SHISAL2A: variants seen among roughly 807,000 people sequenced by gnomAD.
SHISAL2A encodes the protein protein shisa-like-2A.
Under a neutral mutation model 11.5 loss-of-function variants are expected in SHISAL2A, and 18 were observed. The ratio of observed to expected loss-of-function variants is 1.57; its 90% confidence interval spans 1.08 to 2.33. SHISAL2A has a LOEUF of 2.33. SHISAL2A is among the 30% of genes most tolerant of loss of function. The pLI is 0.00. For synonymous variants in SHISAL2A, 94 were observed against 99.6 expected (o/e 0.94, Z 0.34); for missense variants, 261 against 250.9 (o/e 1.04, Z -0.27).
intron 2 of SHISAL2A, among the ~76,000 whole-genome samples, chr1:52,654,273 A>T (rs1171083558): frequency 6.6e-6 from 1 of 152,076 alleles, no homozygotes; most frequent in Admixed American, 6.6e-5. Flanking sequence ...AGATAGATAG[A>T]TAGATAGATA....
At chr1:52,657,402 G>C (rs990003981), downstream of SHISAL2A, among the ~76,000 whole-genome samples, 1 of 152,136 alleles carries the variant, frequency 6.6e-6, no homozygotes, top group African/African-American at 2.4e-5. Flanking sequence ...CCTCAGAGGG[G>C]GATGATCTCT....
At chr1:52,669,348 C>T (rs949146564) in exon 6 of SHISAL2A, 2 of 151,776 alleles carry the variant, frequency 1.3e-5, no homozygotes, top group Admixed American at 6.6e-5. Flanking sequence ...AGCAGCCCAA[C>T]CCTGAGATAC....
At chr1:52,650,546 T>C (rs1386417804) in intron 2 of SHISAL2A, among the ~76,000 whole-genome samples, 1 of 152,190 alleles carries the variant, frequency 6.6e-6, no homozygotes, top group Non-Finnish European at 1.5e-5. Flanking sequence ...CATAGTAGGC[T>C]TTTAACAATT....
At chr1:52,663,366 C>T (rs922057426) in intron 4 of SHISAL2A, among the ~76,000 whole-genome samples, 2 of 152,228 alleles carry the variant, frequency 1.3e-5, no homozygotes, top group Non-Finnish European at 2.9e-5. Context: ...GCAACCACCC[C>T]TCTGTGTGGC....
chr1:52,666,518 C>T (rs970574739), intron 4 of SHISAL2A, among the ~76,000 whole-genome samples: 1 of 151,910 alleles, frequency 6.6e-6, no homozygotes, highest in Non-Finnish European at 1.5e-5. Flanking sequence ...CCCATAGCAC[C>T]ACCTGCTGTG....
intron 4 of SHISAL2A, among the ~76,000 whole-genome samples, chr1:52,663,157 T>A (rs1467383584): frequency 6.6e-6 from 1 of 151,970 alleles, no homozygotes; most frequent in Admixed American, 6.6e-5. Flanking sequence ...CTCTCTTAGC[T>A]CTTTGTCCTG....
chr1:52,666,313 G>T (rs796804940), intron 4 of SHISAL2A, among the ~76,000 whole-genome samples: 5 of 152,206 alleles, frequency 3.3e-5, no homozygotes, highest in African/African-American at 1.2e-4. Context: ...TTAGCTGGGC[G>T]TGGTGGCAGG....
chr1:52,646,892 C>T (rs534006257), intron 2 of SHISAL2A, among the ~76,000 whole-genome samples: 2 of 152,140 alleles, frequency 1.3e-5, no homozygotes, highest in South Asian at 2.1e-4. Context: ...TGCGGTGGTG[C>T]GATCTCAGCT....
At chr1:52,658,867 T>G (rs1450540672), downstream of SHISAL2A, among the ~76,000 whole-genome samples, 1 of 152,202 alleles carries the variant, frequency 6.6e-6, no homozygotes, top group Non-Finnish European at 1.5e-5. Context: ...GCTGCTGGAT[T>G]TGGCAACAGT....
chr1:52,665,705 A>C (rs269320), intron 4 of SHISAL2A, among the ~76,000 whole-genome samples: 1 of 150,132 alleles, frequency 6.7e-6, no homozygotes, highest in African/African-American at 2.4e-5. Context: ...ACCCATCCCC[A>C]CCTCCCTCCC....
Position 52,633,702 on chromosome 1 carries a change from T to C in SHISAL2A, c.182+27T>C. ...TACCGTCCCTGGCCCTCACCCTACCTTGAACCCCACTCCAGTCTCAGCGCC... is the reference window on the plus strand; with the variant it reads ...TACCGTCCCTGGCCCTCACCCTACCCTGAACCCCACTCCAGTCTCAGCGCC... On this transcript the variant is annotated intron_variant, in intron 1 of 2. Coordinates refer to ENST00000517870, the MANE Select transcript of SHISAL2A (RefSeq NM_001042693.3). This position sits in a 1 kb window ranked among gnomAD's most constrained non-coding sequence, Gnocchi z 6.4. 6.3e-7 allele frequency: 1 copy of C among 1,578,128 alleles called. No individual in the cohort carries two copies.
At chr1:52,653,314 A>AT (rs1691713726) in intron 2 of SHISAL2A, among the ~76,000 whole-genome samples, 1 of 135,386 alleles carries the variant, frequency 7.4e-6, no homozygotes, top group East Asian at 2.0e-4. Flanking sequence ...AAAAAAAAAA[A>AT]GCAGGGTATG....
In SHISAL2A at chr1:52,656,655, C is replaced by G; in HGVS notation, c.323-135C>G. On this transcript the variant is annotated intron_variant, in intron 2 of 2. Transcript: ENST00000517870. The stretch of plus-strand genomic sequence containing the variant: ...TAATGTGGTGTATTGTTAATAAATA[C>G]ATGTTAAACAAATGATGCTTCTAAG... 4 of 915,564 alleles carry G rather than the reference C, an allele frequency of 4.4e-6. No homozygotes were observed. The South Asian group carries it at 5.0e-5, about 11-fold the overall frequency. The allele number at this position is 915,564 out of a possible 1,614,324, so 56.7% of individuals were successfully genotyped here.
At chr1:52,649,568 C>T (rs1254670093) in intron 2 of SHISAL2A, among the ~76,000 whole-genome samples, 1 of 152,194 alleles carries the variant, frequency 6.6e-6, no homozygotes, top group Non-Finnish European at 1.5e-5. Flanking sequence ...CCATCCCATC[C>T]CCAAACTTGG....
At chr1:52,637,025 G>T (rs1167260103) in intron 1 of SHISAL2A, among the ~76,000 whole-genome samples, 1 of 152,140 alleles carries the variant, frequency 6.6e-6, no homozygotes, top group Non-Finnish European at 1.5e-5. Context: ...CACAGCTCTT[G>T]TGTCTTGTGG....
At chr1:52,642,728 A>G in intron 1 of SHISAL2A, 135 bp from the exon 2 acceptor site, 1 of 973,968 alleles carries the variant, frequency 1.0e-6, no homozygotes, top group Non-Finnish European at 1.5e-6. Flanking sequence ...CTGGCCTAAA[A>G]TTTTTTTTAA....
At chr1:52,651,495 C>T (rs745581503) in intron 2 of SHISAL2A, among the ~76,000 whole-genome samples, 33 of 152,180 alleles carry the variant, frequency 2.2e-4, no homozygotes, top group Non-Finnish European at 4.4e-4. Context: ...CCTCAGCCTC[C>T]CAAAGTGCTG....
intron 2 of SHISAL2A, among the ~76,000 whole-genome samples, chr1:52,650,780 G>A (rs1357799648): frequency 6.6e-6 from 1 of 150,506 alleles, no homozygotes; most frequent in Non-Finnish European, 1.5e-5. Flanking sequence ...ATGTAGCTGA[G>A]GCTACAGGCA....
chr1:52,657,070 C>T (rs772844031), downstream of SHISAL2A: 1 of 1,544,258 alleles, frequency 6.5e-7, no homozygotes, highest in East Asian at 2.3e-5. Context: ...ATACCATCCC[C>T]TTCTGGAGTC....
Sources: gnomAD v4.1 joint callset for allele counts (sites outside exome capture counted in the v4.1 genomes callset) on GRCh38, gnomAD v4.1.1 for gene constraint, Gnocchi (gnomAD v3.1) non-coding constraint, MANE v1.5 for transcripts, NCBI Gene and HGNC (gene_info 2026-07-23, HGNC 2026-07-21) for gene names.